The following STK3 variants were observed in gnomAD, a reference collection of about 807,000 sequenced individuals.
STK3 encodes the protein serine/threonine kinase 3, also known as serine/threonine-protein kinase 3.
STK3 carries 41 observed loss-of-function variants against 58.0 expected under a neutral mutation model. The observed-to-expected ratio is 0.71, with a 90% CI of 0.55 to 0.92. The LOEUF is 0.92. Among genes scored for constraint, STK3 ranks in the 40% least tolerant of loss-of-function variants. STK3 has a pLI of 0.00. For missense variants in STK3, 479 were observed against 602.7 expected (o/e 0.79, Z 2.15); for synonymous variants, 170 against 191.0 (o/e 0.89, Z 0.91).
At position 98,377,147 on chromosome 8, in the gene STK3, C is replaced by G. The variant is rs980528710; in HGVS notation, n.111+2006G>C. On this transcript the variant is annotated intron_variant and non_coding_transcript_variant, in intron 2 of 2. Transcript: ENST00000518704. ...CCTAGCCTAGCCATGTTAATGAACA[C>G]AGCAATCAATTCCCCTTAACCTTAT... Among the ~76,000 whole-genome samples, 5 of 152,116 alleles carry G rather than the reference C, an allele frequency of 3.3e-5. No individual in the cohort carries two copies. The East Asian group carries it at 9.6e-4, about 29-fold the overall frequency.
chr8:98,873,265 G>T (rs1357035483), intron 3 of STK3, among the ~76,000 whole-genome samples: 3 of 152,120 alleles, frequency 2.0e-5, no homozygotes, highest in Admixed American at 2.0e-4. Flanking sequence ...CCAACTACGT[G>T]GTCAATTTTG....
chr8:98,685,271 T>C (rs1222970115), intron 6 of STK3, among the ~76,000 whole-genome samples: 1 of 152,216 alleles, frequency 6.6e-6, no homozygotes, highest in Non-Finnish European at 1.5e-5. Flanking sequence ...ATAATTTGTA[T>C]GTCAGTAGGA....
intron 3 of STK3, among the ~76,000 whole-genome samples, chr8:98,411,898 C>T (rs1236967945): frequency 6.6e-6 from 1 of 152,218 alleles, no homozygotes; most frequent in Non-Finnish European, 1.5e-5. Context: ...AACCACCCCA[C>T]TGCCCTAGTT....
intron 6 of STK3, among the ~76,000 whole-genome samples, chr8:98,704,215 T>A (rs574275711): frequency 2.6e-5 from 4 of 152,294 alleles, no homozygotes; most frequent in Non-Finnish European, 5.9e-5. Context: ...AGTGAACCTG[T>A]CATTTCAAGG....
intron 1 of STK3, among the ~76,000 whole-genome samples, chr8:98,787,123 C>T (rs752158350): frequency 8.7e-5 from 11 of 126,232 alleles, no homozygotes; most frequent in South Asian, 2.8e-4. Context: ...GAGCTGAGGT[C>T]GCACCACTGC....
intron 4 of STK3, among the ~76,000 whole-genome samples, chr8:98,720,823 C>G (rs1453668193): frequency 6.6e-6 from 1 of 150,720 alleles, no homozygotes; most frequent in African/African-American, 2.4e-5. Context: ...AAATATCTGA[C>G]AGTCATTAAA....
At chr8:98,806,841 A>AT (rs1833911358) in intron 1 of STK3, among the ~76,000 whole-genome samples, 3 of 152,106 alleles carry the variant, frequency 2.0e-5, no homozygotes, top group Non-Finnish European at 1.5e-5. Context: ...ATTAGTAAAG[A>AT]TTAGGTGGGC....
At chr8:98,776,913 G>A (rs966908589) in intron 1 of STK3, among the ~76,000 whole-genome samples, 2 of 152,086 alleles carry the variant, frequency 1.3e-5, no homozygotes, top group Non-Finnish European at 2.9e-5. Flanking sequence ...AGCCAGGCAT[G>A]GTGGCGGGTA....
downstream of STK3, among the ~76,000 whole-genome samples, chr8:98,451,899 C>CAA (rs66941470): frequency 3.6e-5 from 5 of 139,110 alleles, no homozygotes; most frequent in Admixed American, 7.0e-5. Flanking sequence ...AAAAAAAAAA[C>CAA]AAAAAAAAAA....
chr8:98,441,652 C>T lies in STK3; in HGVS notation n.186-4444G>A, dbSNP rs544541278. Among the ~76,000 whole-genome samples, 56 of 152,366 alleles carry T rather than the reference C, an allele frequency of 3.7e-4. 1 individual carries two copies. The Middle Eastern group carries it at 0.014, about 37-fold the overall frequency. On this transcript the variant is annotated intron_variant and non_coding_transcript_variant, in intron 1 of 3. Coordinates refer to the STK3 transcript ENST00000517832. ...ACTACATTTATTTGTTCAATGCTCA[C>T]TTATTTATTGAGCATCCACTATGTA... is the stretch of plus-strand genomic sequence containing the variant.
chr8:98,849,237 A>AG (rs910014761), intron 3 of STK3, among the ~76,000 whole-genome samples: 4 of 151,956 alleles, frequency 2.6e-5, no homozygotes, highest in African/African-American at 9.7e-5. Context: ...AAAAAAAAAA[A>AG]AAAAAAGAAA....
chr8:98,614,366 A>T (rs1400057267), intron 6 of STK3, among the ~76,000 whole-genome samples: 1 of 151,880 alleles, frequency 6.6e-6, no homozygotes, highest in Non-Finnish European at 1.5e-5. Flanking sequence ...AATAACAGAG[A>T]CATAATAGGA....
chr8:98,394,072 A>G (rs1471926622), intron 3 of STK3, among the ~76,000 whole-genome samples: 1 of 152,154 alleles, frequency 6.6e-6, no homozygotes, highest in Non-Finnish European at 1.5e-5. Flanking sequence ...GGGTGGAGTG[A>G]GCAGCAGGAT....
intron 9 of STK3, among the ~76,000 whole-genome samples, chr8:98,531,355 C>T (rs961576350): frequency 6.6e-6 from 1 of 152,176 alleles, no homozygotes; most frequent in Non-Finnish European, 1.5e-5. Flanking sequence ...CATCAGACCC[C>T]TTGGGTGACC....
intron 3 of STK3, chr8:98,401,616 C>T (rs930391883): frequency 5.9e-5 from 9 of 152,174 alleles, no homozygotes; most frequent in African/African-American, 2.2e-4. Flanking sequence ...AATTTCATAT[C>T]CCACAACAAC....
intron 9 of STK3, among the ~76,000 whole-genome samples, chr8:98,533,469 G>GT (rs1177530460): frequency 3.0e-4 from 46 of 151,838 alleles, no homozygotes; most frequent in Admixed American, 6.6e-4. Flanking sequence ...TGTATGTATG[G>GT]ATGGATGGGT....
intron 9 of STK3, among the ~76,000 whole-genome samples, chr8:98,528,116 T>C (rs1441456837): frequency 6.6e-6 from 1 of 152,166 alleles, no homozygotes; most frequent in Non-Finnish European, 1.5e-5. Flanking sequence ...TCATTGCAAC[T>C]GTCTTAGTTT....
intron 10 of STK3, among the ~76,000 whole-genome samples, chr8:98,521,795 C>T (rs1825384627): frequency 6.6e-6 from 1 of 152,104 alleles, no homozygotes; most frequent in Non-Finnish European, 1.5e-5. Context: ...CCTTGTAGTT[C>T]CTGCCTTCTC....
At position 98,704,170 on chromosome 8, in the gene STK3, G is replaced by A. The variant is rs35943889; in HGVS notation, c.684+2297C>T. Among the ~76,000 whole-genome samples, 555 of 152,186 alleles carry A rather than the reference G, an allele frequency of 3.6e-3. 3 individuals are homozygous for A. Among genetic ancestry groups the A allele is most frequent in the Non-Finnish European group, 6.3e-3 (427 of 68,020 alleles). The stretch of plus-strand genomic sequence containing the variant: ...CAGAAAACTAAGGTTACACAGACTT[G>A]GGTATTTGACAGACATTTTCTCAAA... On this transcript the variant is annotated intron_variant, in intron 6 of 10. Transcript: ENST00000419617.
Sources: allele counts gnomAD v4.1 joint callset (sites outside exome capture counted in the v4.1 genomes callset), GRCh38; gene constraint gnomAD v4.1.1; transcripts MANE v1.5; gene names NCBI Gene and HGNC (gene_info 2026-07-23, HGNC 2026-07-21).